Variants in GRIK2 observed in about 807,000 individuals in gnomAD.
The protein encoded by GRIK2 is glutamate receptor ionotropic, kainate 2.
In GRIK2, 32 loss-of-function variants were observed where a neutral mutation model predicts 100.3. The observed-to-expected ratio is 0.32, with a 90% CI of 0.24 to 0.43. GRIK2 has a LOEUF of 0.43. GRIK2 is among the 20% of genes least tolerant of loss of function. The pLI is 1.00. For synonymous variants in GRIK2, 417 were observed against 389.4 expected (o/e 1.07, Z -0.83); for missense variants, 843 against 1,114.9 (o/e 0.76, Z 3.47).
intron 14 of GRIK2, among the ~76,000 whole-genome samples, chr6:102,010,270 A>G (rs1795457704): frequency 6.6e-6 from 1 of 151,916 alleles, no homozygotes; most frequent in African/African-American, 2.4e-5. Flanking sequence ...GTCTAATGAT[A>G]TTTATCTACC....
At chr6:101,935,597 A>G (rs1019116503) in intron 14 of GRIK2, among the ~76,000 whole-genome samples, 1 of 151,908 alleles carries the variant, frequency 6.6e-6, no homozygotes, top group African/African-American at 2.4e-5. Flanking sequence ...AAGTGATATT[A>G]AGGACATGGT....
intron 10 of GRIK2, among the ~76,000 whole-genome samples, chr6:101,823,022 A>G (rs1362785326): frequency 1.3e-5 from 2 of 152,222 alleles, no homozygotes; most frequent in Admixed American, 6.5e-5. Flanking sequence ...TGATGCCCTT[A>G]GAGATGTGCC....
Position 101,676,778 on chromosome 6 carries a change from G to A in GRIK2, c.697G>A (p.Glu233Lys), listed in dbSNP as rs748577917. 1.9e-6 allele frequency: 3 copies of A among 1,604,138 alleles called. No homozygotes were observed. The African/African-American group carries it at 4.0e-5, about 22-fold the overall frequency. The change falls in exon 5 of 17, where the codon GAA becomes AAA. Residue 233 changes from glutamate to lysine, a missense_variant. By Grantham distance (56) the Glu-to-Lys change is moderately conservative. Around this residue, in one of 3 missense-constraint regions of GRIK2, gnomAD observed 519 missense variants for 643.8 expected, o/e 0.81. Transcript: ENST00000369134. ...EFHVIFDCSH[E>K]MAAGILKQAL... ...TCATGTAATCTTTGATTGTAGCCAT[G>A]AAATGGCAGCAGGCATTTTAAAACA... is the stretch of plus-strand genomic sequence containing the variant.
intron 7 of GRIK2, among the ~76,000 whole-genome samples, chr6:101,725,259 C>A (rs1390990746): frequency 6.6e-6 from 1 of 151,996 alleles, no homozygotes; most frequent in Non-Finnish European, 1.5e-5. Flanking sequence ...AAGAGCAACA[C>A]CATTGGGAAA....
intron 7 of GRIK2, among the ~76,000 whole-genome samples, chr6:101,693,913 A>G (rs1772289825): frequency 6.6e-6 from 1 of 151,996 alleles, no homozygotes; most frequent in African/African-American, 2.4e-5. Flanking sequence ...CAACAGCTAT[A>G]TGGTTTTACG....
intron 9 of GRIK2, among the ~76,000 whole-genome samples, chr6:101,810,946 C>A (rs868266900): frequency 3.9e-5 from 6 of 151,926 alleles, no homozygotes; most frequent in African/African-American, 1.4e-4. Context: ...ATAAACAGTC[C>A]ACTAGTGTAT....
intron 16 of GRIK2, among the ~76,000 whole-genome samples, chr6:102,065,424 A>T (rs1296211318): frequency 6.6e-6 from 1 of 151,338 alleles, no homozygotes; most frequent in East Asian, 1.9e-4. Context: ...GGTACTAAAC[A>T]CAGAGTTTAC....
chr6:101,883,646 G>A (rs1439153206), intron 11 of GRIK2, among the ~76,000 whole-genome samples: 1 of 152,068 alleles, frequency 6.6e-6, no homozygotes, highest in Non-Finnish European at 1.5e-5. Context: ...ACTATGCTCT[G>A]GAAACCCCAT....
At chr6:101,834,816 T>A (rs749964770) in intron 10 of GRIK2, among the ~76,000 whole-genome samples, 8 of 151,886 alleles carry the variant, frequency 5.3e-5, no homozygotes, top group Non-Finnish European at 8.8e-5. Context: ...CAGGGCAACA[T>A]AGGAAGACCC....
intron 2 of GRIK2, among the ~76,000 whole-genome samples, chr6:101,485,829 C>G (rs1772790427): frequency 6.6e-6 from 1 of 151,496 alleles, no homozygotes; most frequent in Non-Finnish European, 1.5e-5. Context: ...GATACATGAT[C>G]CAAAGGAGCT....
chr6:101,440,760 G>T (rs551741097), intron 2 of GRIK2, among the ~76,000 whole-genome samples: 8 of 152,090 alleles, frequency 5.3e-5, no homozygotes, highest in Admixed American at 3.3e-4. Flanking sequence ...CTGTTTGAGG[G>T]TTTAAAGCAG....
intron 4 of GRIK2, among the ~76,000 whole-genome samples, chr6:101,636,239 A>T (rs1030233460): frequency 2.0e-5 from 3 of 152,200 alleles, no homozygotes; most frequent in Non-Finnish European, 4.4e-5. Context: ...TTCTCAGCAA[A>T]CTAACACAAG....
At chr6:101,587,710 A>C (rs1031722122) in intron 2 of GRIK2, among the ~76,000 whole-genome samples, 10 of 152,138 alleles carry the variant, frequency 6.6e-5, no homozygotes, top group Non-Finnish European at 1.5e-4. Context: ...AAAACAATAG[A>C]ATGGTATCTT....
intron 7 of GRIK2, among the ~76,000 whole-genome samples, chr6:101,786,464 T>C (rs1455150762): frequency 6.6e-6 from 1 of 152,138 alleles, no homozygotes; most frequent in Admixed American, 6.6e-5. Context: ...TACTGAGGCA[T>C]GTTCCTTTTA....
At chr6:101,492,410 A>G (rs1392933248) in intron 2 of GRIK2, among the ~76,000 whole-genome samples, 1 of 151,974 alleles carries the variant, frequency 6.6e-6, no homozygotes, top group East Asian at 1.9e-4. Flanking sequence ...TCTAGTAAGG[A>G]CAAATGAATG....
chr6:101,431,991 G>A lies in GRIK2; in HGVS notation c.115+32599G>A, dbSNP rs551420810. On this transcript the variant is annotated intron_variant, in intron 2 of 16. Coordinates refer to ENST00000369134, the MANE Select transcript of GRIK2 (RefSeq NM_021956.5). ...AGCGGACTCTGTATTGTTTTTTACT[G>A]TCCACATACAAGAAGCTAATAATAC... is the stretch of plus-strand genomic sequence containing the variant. Among the ~76,000 whole-genome samples the A allele has an allele frequency of 1.4e-3, 219 of 152,160 alleles. 1 individual carries two copies. The highest frequency in any genetic ancestry group is 3.4e-3 in the Middle Eastern group (1 of 294).
intron 7 of GRIK2, among the ~76,000 whole-genome samples, chr6:101,748,615 G>T (rs1776592651): frequency 6.6e-6 from 1 of 151,796 alleles, no homozygotes; most frequent in Non-Finnish European, 1.5e-5. Flanking sequence ...TCCTGCTAGT[G>T]CAGGCTTATT....
In GRIK2 at chr6:101,923,069, TTTTG is replaced by T. The variant is rs1789659304; in HGVS notation, c.1749-1526_1749-1523del. On this transcript the variant is annotated intron_variant, in intron 12 of 16. Transcript: ENST00000369134. The stretch of plus-strand genomic sequence containing the variant: ...ACTTAGAGAACCAAACAAAACACTT[TTTTG>T]TTTGTCAAGGATAGGCTATTAAAAC... Among the ~76,000 whole-genome samples, 5 of 152,286 alleles carry T rather than the reference TTTTG, an allele frequency of 3.3e-5. No homozygotes were observed. In the South Asian group the frequency reaches 1.0e-3, roughly 32 times the overall value.
intron 2 of GRIK2, among the ~76,000 whole-genome samples, chr6:101,498,638 A>G (rs1003615107): frequency 2.0e-5 from 3 of 150,920 alleles, no homozygotes; most frequent in African/African-American, 2.4e-5. Context: ...GCATTTTTTC[A>G]TGTGTCTTTT....
Sources: gnomAD v4.1 joint callset for allele counts (sites outside exome capture counted in the v4.1 genomes callset) on GRCh38, gnomAD v4.1.1 for gene constraint, gnomAD v4.1.1 regional missense constraint, MANE v1.5 for transcripts, NCBI Gene and HGNC (gene_info 2026-07-23, HGNC 2026-07-21) for gene names.